PRC1: variants seen among roughly 807,000 people sequenced by gnomAD.
PRC1 encodes the protein anaphase spindle elongation 1 homolog.
In PRC1, 54 loss-of-function variants were observed where a neutral mutation model predicts 91.2. The observed-to-expected ratio is 0.59, with a 90% confidence interval of 0.48 to 0.74. The LOEUF is 0.74. Ranked by LOEUF, PRC1 falls within the 30% of genes least tolerant of loss-of-function variation. PRC1 has a pLI of 0.00. For synonymous variants in PRC1, 275 were observed against 263.6 expected (o/e 1.04, Z -0.42); for missense variants, 727 against 746.2 (o/e 0.97, Z 0.30).
chr15:90,990,791 T>A (rs2039934769), intron 1 of PRC1, among the ~76,000 whole-genome samples: 1 of 152,074 alleles, frequency 6.6e-6, no homozygotes, highest in Non-Finnish European at 1.5e-5. Context: ...TTTTTTTTCT[T>A]TTTTTGAGAC....
In PRC1 at chr15:90,967,183, G is replaced by C. The variant is rs1445816085; in HGVS notation, c.1811C>G (p.Ser604Cys). The C allele has an allele frequency of 6.2e-7, 1 of 1,613,974 alleles. No homozygotes were observed. Among genetic ancestry groups the C allele is most frequent in the African/African-American group, 1.3e-5 (1 of 74,934 alleles). ...VGLQRELSKASKSDATSGILN... is the reference protein window; with the variant it reads ...VGLQRELSKACKSDATSGILN... ...GATTCCAGAAGTAGCATCAGATTTG[G>C]AAGCCTTTGAAAGTTCTCGCTGTTG... is the stretch of plus-strand genomic sequence containing the variant. The change falls in exon 15 of 15, where the codon TCC (serine) becomes TGC (cysteine). Residue 604 changes from serine (S) to cysteine (C), a missense_variant. By Grantham distance (112) the Ser-to-Cys change is moderately radical. Coordinates refer to ENST00000394249, the MANE Select transcript of PRC1 (RefSeq NM_003981.4).
chr15:90,977,576 GTTTTTTTT>G (rs777558725), intron 8 of PRC1, among the ~76,000 whole-genome samples: 2 of 95,478 alleles, frequency 2.1e-5, no homozygotes, highest in Non-Finnish European at 3.9e-5. Context: ...CCTTATTTAC[GTTTTTTTT>G]TTTTTTTTTT....
chr15:90,985,118 A>G, intron 1 of PRC1, among the ~76,000 whole-genome samples: 1 of 152,348 alleles, frequency 6.6e-6, no homozygotes, highest in Non-Finnish European at 1.5e-5. Context: ...ACTTTTACTA[A>G]AGAAAAACCG....
intron 12 of PRC1, 39 bp from the exon 13 acceptor site, chr15:90,969,662 A>G (rs994911873): frequency 1.3e-6 from 2 of 1,544,100 alleles, no homozygotes; most frequent in African/African-American, 2.7e-5. Flanking sequence ...TCATCCTTCT[A>G]ATGAACGTGC....
At chr15:90,994,318 C>T in intron 1 of PRC1, 89 bp downstream of exon 1, 1 of 1,587,120 alleles carries the variant, frequency 6.3e-7, no homozygotes, top group South Asian at 1.1e-5. Context: ...CCCGGGACCC[C>T]GCACGGGTCC....
chr15:90,976,991 A>T (rs1409043978), intron 8 of PRC1, among the ~76,000 whole-genome samples: 1 of 152,118 alleles, frequency 6.6e-6, no homozygotes, highest in Non-Finnish European at 1.5e-5. Flanking sequence ...ATTAGCGAGC[A>T]TGACGGTGCG....
chr15:90,991,425 A>G (rs1465641182), intron 1 of PRC1, among the ~76,000 whole-genome samples: 3 of 148,850 alleles, frequency 2.0e-5, no homozygotes, highest in Admixed American at 1.3e-4. Context: ...ACTGTCTCCA[A>G]AAAAAAAAAG....
intron 9 of PRC1, among the ~76,000 whole-genome samples, chr15:90,976,212 C>T (rs1383883787): frequency 2.0e-5 from 3 of 152,138 alleles, no homozygotes; most frequent in Admixed American, 1.3e-4. Context: ...CCTCAGCCTC[C>T]TGAGTAGCTG....
chr15:90,967,165 G>A lies in PRC1; in HGVS notation c.1829C>T (p.Ser610Phe), dbSNP rs746116778. The change falls in exon 15 of 15, where the codon TCT becomes TTT. Residue 610 changes from serine (S) to phenylalanine (F), a missense_variant. By Grantham distance (155) the Ser-to-Phe change is radical. Transcript: ENST00000394249. ...LSKASKSDAT[S>F]GILNSTNIQS Reference sequence around the variant, plus strand: ...GATGTTGGTTGAATTGAGGATTCCAGAAGTAGCATCAGATTTGGAAGCCTT... The same window carrying A: ...GATGTTGGTTGAATTGAGGATTCCAAAAGTAGCATCAGATTTGGAAGCCTT... 6.2e-7 allele frequency: 1 copy of A among 1,614,156 alleles called. No homozygotes were observed. Among genetic ancestry groups the A allele is most frequent in the Non-Finnish European group, 8.5e-7 (1 of 1,179,974 alleles).
At chr15:90,993,373 A>C (rs2040097317) in intron 1 of PRC1, among the ~76,000 whole-genome samples, 1 of 151,872 alleles carries the variant, frequency 6.6e-6, no homozygotes, top group African/African-American at 2.4e-5. Flanking sequence ...GGGCCAGATA[A>C]TTTTTGTATT....
chr15:90,975,017 T>C (rs991033158), intron 9 of PRC1, among the ~76,000 whole-genome samples: 3 of 152,202 alleles, frequency 2.0e-5, no homozygotes, highest in African/African-American at 7.2e-5. Context: ...CAATATGAAA[T>C]AGGCGGTGAA....
In PRC1 at chr15:90,968,371, A is replaced by G. The variant is rs777450810; in HGVS notation, c.1791+708T>C. On this transcript the variant is annotated intron_variant, in intron 14 of 14. Transcript: ENST00000394249. ...CAACTGTTCCATTCTCTATCCCTGC[A>G]GCAATTAAGAGGGGAGGCAGGCTAG... 3.0e-4 allele frequency: 298 copies of G among 985,554 alleles called. 1 individual carries two copies. The highest frequency in any genetic ancestry group is 2.6e-3 in the Middle Eastern group (5 of 1,914). The allele number at this position is 985,554 out of a possible 1,614,324, so 61.1% of individuals were successfully genotyped here.
rs541226121 is a variant in PRC1 at position 90,984,633 on chromosome 15, G to A, written c.144+60C>T. ...ACATGTCCCTTCTGTATGCTATCTC[G>A]GGTGAGACACCAACATCCTTACCCT... is the stretch of plus-strand genomic sequence containing the variant. On this transcript the variant is annotated intron_variant, in intron 2 of 14. Transcript: ENST00000394249. The surrounding 1 kb of genome is among the most constrained non-coding windows in gnomAD (Gnocchi z 5.1). 7.5e-6 allele frequency: 12 copies of A among 1,592,132 alleles called. No homozygotes were observed. The highest frequency in any genetic ancestry group is 6.7e-5 in the South Asian group (6 of 89,204).
At position 90,984,906 on chromosome 15, in the gene PRC1, G is replaced by C; in HGVS notation, c.12-81C>G. ...AAGCACTATTTTCGAGAACTAAAAA[G>C]ACTAGCTTCTCAGTGGCCTCGAGAA... is the stretch of plus-strand genomic sequence containing the variant. On this transcript the variant is annotated intron_variant, in intron 1 of 14. Transcript: ENST00000394249. This position sits in a 1 kb window ranked among gnomAD's most constrained non-coding sequence, Gnocchi z 5.1. The C allele has an allele frequency of 6.5e-7, 1 of 1,542,360 alleles. No homozygotes were observed. The highest frequency in any genetic ancestry group is 8.8e-7 in the Non-Finnish European group (1 of 1,140,778).
Position 90,981,778 on chromosome 15 carries a change from C to G in PRC1, c.471G>C (p.Arg157Ser), listed in dbSNP as rs555279469. The G allele has an allele frequency of 1.3e-5, 21 of 1,613,334 alleles. No individual in the cohort carries two copies. The highest frequency in any genetic ancestry group is 1.7e-5 in the Non-Finnish European group (20 of 1,179,620). The change falls in exon 4 of 15, where the codon AGG (arginine) becomes AGC (serine). Residue 157 changes from arginine (R) to serine (S), a missense_variant. Coordinates refer to ENST00000394249, the MANE Select transcript of PRC1 (RefSeq NM_003981.4). ...TTTCCCTCAAAGTTGTCACATGTTG[C>G]CTGAACTGGTTCAGCTCTTCTAAGC... ...VPSLEELNQFRQHVTTLRETK... is the reference protein window; with the variant it reads ...VPSLEELNQFSQHVTTLRETK...
chr15:90,974,106 A>G lies in PRC1; in HGVS notation c.1461+30T>C. 1 of 1,591,486 alleles carries G rather than the reference A, an allele frequency of 6.3e-7. No homozygotes were observed. The highest frequency in any genetic ancestry group is 8.6e-7 in the Non-Finnish European group (1 of 1,159,598). On this transcript the variant is annotated intron_variant, in intron 11 of 14. Transcript: ENST00000394249. The surrounding 1 kb of genome is among the most constrained non-coding windows in gnomAD (Gnocchi z 4.6). ...GGACTACCCTCACCCACTCCCTTGA[A>G]ATCAGTGTTTCCCTAAGCCTTGTGT...
intron 6 of PRC1, 90 bp downstream of exon 6, chr15:90,980,794 C>A: frequency 6.4e-7 from 1 of 1,561,210 alleles, no homozygotes; most frequent in South Asian, 1.2e-5. Flanking sequence ...GCATGAACCA[C>A]TGAGCCTGGC....
intron 14 of PRC1, 198 bp downstream of exon 14, chr15:90,968,881 C>T: frequency 2.2e-6 from 3 of 1,388,280 alleles, no homozygotes; most frequent in African/African-American, 1.5e-5. Context: ...GAATCCAATT[C>T]AAGTCTGAAC....
rs1454586824 is a variant in PRC1, at chr15:90,969,117, C to T, written c.1753G>A (p.Asp585Asn). The change falls in exon 14 of 15, where the codon GAT (aspartate) becomes AAT (asparagine). Residue 585 changes from aspartate (D) to asparagine (N), a missense_variant. Asp to Asn is a conservative substitution (Grantham distance 23). Coordinates refer to ENST00000394249, the MANE Select transcript of PRC1 (RefSeq NM_003981.4). ...GTGGAACTGTCAGAGAGGGACGGAT[C>T]CTTCTAAGAACAAAGAATTAAGACA... ...VASTYSEFAK[D>N]PSLSDSSTVG... The T allele has an allele frequency of 3.1e-6, 5 of 1,613,068 alleles. No individual in the cohort carries two copies. The Admixed American group carries it at 5.0e-5, about 16-fold the overall frequency.
Sources: gnomAD v4.1 joint callset for allele counts (sites outside exome capture counted in the v4.1 genomes callset) on GRCh38, gnomAD v4.1.1 for gene constraint, Gnocchi (gnomAD v3.1) non-coding constraint, MANE v1.5 for transcripts, NCBI Gene and HGNC (gene_info 2026-07-23, HGNC 2026-07-21) for gene names.